The following RTN3 variants were observed in gnomAD, a reference collection of about 807,000 sequenced individuals.
RTN3 encodes reticulon-3.
RTN3 carries 49 observed loss-of-function variants against 77.8 expected under a neutral mutation model. That is an observed-to-expected ratio of 0.63 (90% confidence interval 0.50 to 0.80). The LOEUF (loss-of-function observed/expected upper bound fraction) is 0.80, where lower values mean the gene tolerates loss of function less well. Ranked by LOEUF, RTN3 falls within the 30% of genes least tolerant of loss-of-function variation. The probability of loss-of-function intolerance (pLI) is 0.00; values close to 1 mark genes in which losing one functional copy is unlikely to be tolerated. For missense variants in RTN3, 1,236 were observed against 1,211.9 expected, an observed-to-expected ratio of 1.02 and a Z score of -0.29; for synonymous variants, 464 against 446.9, an observed-to-expected ratio of 1.04 and a Z score of -0.48.
chr11:63,711,046 G>A (rs1307983156), intron 2 of RTN3, among the ~76,000 whole-genome samples: 1 of 152,112 alleles, frequency 6.6e-6, no homozygotes, highest in African/African-American at 2.4e-5. Context: ...GTGGGAGGCC[G>A]AGGCGGGTGG....
chr11:63,754,396 A>G (rs2014256726), intron 7 of RTN3, among the ~76,000 whole-genome samples: 1 of 151,628 alleles, frequency 6.6e-6, no homozygotes, highest in African/African-American at 2.4e-5. Context: ...TCTACTAAAA[A>G]TATAAAAATT....
chr11:63,712,861 C>T (rs1457592912), intron 2 of RTN3, among the ~76,000 whole-genome samples: 2 of 152,034 alleles, frequency 1.3e-5, no homozygotes, highest in African/African-American at 2.4e-5. Context: ...TTGGAGAGGC[C>T]GAGGCAGGCG....
Position 63,719,275 on chromosome 11 carries a change from A to G in RTN3, c.773A>G (p.Asp258Gly). The change falls in exon 3 of 9, where the codon GAC becomes GGC. Residue 258 changes from aspartate (D) to glycine (G), a missense_variant. Around this residue, in one of 3 missense-constraint regions of RTN3, gnomAD observed 1,056 missense variants for 990.4 expected, o/e 1.07. Coordinates refer to ENST00000377819, the MANE Select transcript of RTN3 (RefSeq NM_001265589.2). ...GTAATTATTGACAAAGCAGCATTTG[A>G]CAAAGAATTTAAAGACTCATATAAG... ...FEVIIDKAAF[D>G]KEFKDSYKES... is the part of the protein sequence containing the mutation. 6.2e-7 allele frequency: 1 copy of G among 1,614,136 alleles called. No homozygotes were observed. Among genetic ancestry groups the G allele is most frequent in the South Asian group, 1.1e-5 (1 of 91,074 alleles).
intron 1 of RTN3, among the ~76,000 whole-genome samples, chr11:63,689,861 G>A (rs1941564077): frequency 1.3e-5 from 2 of 151,884 alleles, no homozygotes; most frequent in Non-Finnish European, 2.9e-5. Context: ...GGGTTCAAGC[G>A]ATTCTCCTGC....
chr11:63,703,636 A>G (rs917695457), intron 1 of RTN3, among the ~76,000 whole-genome samples: 3 of 146,124 alleles, frequency 2.1e-5, no homozygotes, highest in Admixed American at 7.0e-5. Flanking sequence ...TCCACCTCCC[A>G]GGTTCACGCC....
intron 5 of RTN3, 135 bp downstream of exon 5, chr11:63,752,780 A>G (rs1292029402): frequency 3.2e-6 from 3 of 936,826 alleles, no homozygotes; most frequent in South Asian, 3.1e-5. Flanking sequence ...CTATAATGGG[A>G]TAGGTGTCAC....
At chr11:63,716,229 A>G (rs2011391239) in intron 2 of RTN3, among the ~76,000 whole-genome samples, 1 of 152,216 alleles carries the variant, frequency 6.6e-6, no homozygotes, top group African/African-American at 2.4e-5. Context: ...ACATTTTCAT[A>G]ATACTGGAAT....
chr11:63,735,101 A>C (rs574904671), intron 3 of RTN3, among the ~76,000 whole-genome samples: 1 of 152,024 alleles, frequency 6.6e-6, no homozygotes, highest in Admixed American at 6.6e-5. Flanking sequence ...ATCTCTGCTC[A>C]TTGTAACCTC....
Position 63,720,215 on chromosome 11 carries a change from T to C in RTN3, c.1713T>C (p.Ile571=), listed in dbSNP as rs1323345248. 7 of 1,614,138 alleles carry C rather than the reference T, an allele frequency of 4.3e-6. No homozygotes were observed. The East Asian group carries it at 1.6e-4, about 36-fold the overall frequency. The part of the protein sequence containing the change: ...DSELHQDQPD[I]LGRSPASEAA... ...AGCTGCATCAAGATCAGCCTGATAT[T>C]CTTGGAAGGAGTCCAGCTAGTGAGG... The change falls in exon 3 of 9, where the codon ATT becomes ATC. Residue 571 remains isoleucine, a synonymous_variant. Coordinates refer to ENST00000377819, the MANE Select transcript of RTN3 (RefSeq NM_001265589.2).
chr11:63,693,118 A>G (rs984631644), intron 1 of RTN3, among the ~76,000 whole-genome samples: 10 of 152,304 alleles, frequency 6.6e-5, no homozygotes, highest in South Asian at 2.1e-4. Context: ...CCCTTGGCTC[A>G]TAAGAGGTGT....
At position 63,698,175 on chromosome 11, in the gene RTN3, G is replaced by T. The variant is rs555129590; in HGVS notation, c.143-6676G>T. Among the ~76,000 whole-genome samples the T allele has an allele frequency of 6.0e-5, 9 of 151,236 alleles. No individual in the cohort carries two copies. The South Asian group carries it at 1.9e-3, about 32-fold the overall frequency. ...AAAACAGTGTCTCACTCTTGCCCAG[G>T]TGCCATGGCTCAATCTCAGCTCACT... On this transcript the variant is annotated intron_variant, in intron 1 of 8. Transcript: ENST00000377819.
chr11:63,681,476 T>C (rs1016470068), upstream of RTN3: 1 of 720,174 alleles, frequency 1.4e-6, no homozygotes, highest in East Asian at 3.4e-5. Context: ...TCCCGCCCTC[T>C]AGCTGCGCTC....
chr11:63,704,647 T>A (rs1255898224), intron 1 of RTN3, among the ~76,000 whole-genome samples: 1 of 152,142 alleles, frequency 6.6e-6, no homozygotes, highest in Non-Finnish European at 1.5e-5. Flanking sequence ...ATGGATTAAC[T>A]TTTAGAAATG....
chr11:63,681,473 C>G (rs538238951), upstream of RTN3: 6 of 703,734 alleles, frequency 8.5e-6, no homozygotes, highest in African/African-American at 1.1e-4. Flanking sequence ...CGCTCCCGCC[C>G]TCTAGCTGCG....
intron 3 of RTN3, among the ~76,000 whole-genome samples, chr11:63,723,507 T>G (rs1032157040): frequency 3.3e-5 from 5 of 150,142 alleles, no homozygotes; most frequent in African/African-American, 1.2e-4. Flanking sequence ...CACTGCAACC[T>G]CCACCTCCAG....
chr11:63,720,431 T>TA lies in RTN3; in HGVS notation c.1932dup (p.His645ThrfsTer4), dbSNP rs1396573583. On this transcript the variant is annotated frameshift_variant, in exon 3 of 9. Transcript: ENST00000377819. LOFTEE classifies it high-confidence loss of function. The stretch of plus-strand genomic sequence containing the variant: ...TGGAGTCATTACATGGGAAAAATGT[T>TA]AAACATATAGATGATTCCTCCCCAG... The TA allele has an allele frequency of 6.2e-7, 1 of 1,613,776 alleles. No individual in the cohort carries two copies. Among genetic ancestry groups the TA allele is most frequent in the Admixed American group, 1.7e-5 (1 of 59,972 alleles).
rs776649673 is a variant in RTN3, at chr11:63,720,216, C to G, written c.1714C>G (p.Leu572Val). 25 of 1,614,004 alleles carry G rather than the reference C, an allele frequency of 1.5e-5. No individual in the cohort carries two copies. Among genetic ancestry groups the G allele is most frequent in the Admixed American group, 6.7e-5 (4 of 59,992 alleles). ...SELHQDQPDI[L>V]GRSPASEAAC... ...GCTGCATCAAGATCAGCCTGATATTCTTGGAAGGAGTCCAGCTAGTGAGGC... is the reference window on the plus strand; with the variant it reads ...GCTGCATCAAGATCAGCCTGATATTGTTGGAAGGAGTCCAGCTAGTGAGGC... Residue 572 changes from leucine to valine, a missense_variant, in exon 3 of 9, where the codon CTT (leucine) becomes GTT (valine). Coordinates refer to ENST00000377819, the MANE Select transcript of RTN3 (RefSeq NM_001265589.2).
chr11:63,756,077 G>T, intron 7 of RTN3, 35 bp from the exon 8 acceptor site: 1 of 1,532,682 alleles, frequency 6.5e-7, no homozygotes, highest in Non-Finnish European at 9.0e-7. Context: ...TGATCTGTAT[G>T]TTACCACAAC....
chr11:63,707,883 A>C (rs1942575601), intron 2 of RTN3, among the ~76,000 whole-genome samples: 1 of 152,210 alleles, frequency 6.6e-6, no homozygotes, highest in East Asian at 1.9e-4. Flanking sequence ...GGTTTCATTT[A>C]ACCTATATTA....
Sources: allele counts gnomAD v4.1 joint callset (sites outside exome capture counted in the v4.1 genomes callset), GRCh38; gene constraint gnomAD v4.1.1; regional missense constraint gnomAD v4.1.1; transcripts MANE v1.5; gene names NCBI Gene and HGNC (gene_info 2026-07-23, HGNC 2026-07-21).